The following DMD variants were observed in gnomAD, a reference collection of about 807,000 sequenced individuals.
DMD encodes mutant dystrophin.
Under a neutral mutation model 330.1 loss-of-function variants are expected in DMD, and 63 were observed. The ratio of observed to expected loss-of-function variants is 0.19; its 90% confidence interval spans 0.16 to 0.24. The LOEUF (loss-of-function observed/expected upper bound fraction) is 0.24, where lower values mean the gene tolerates loss of function less well. Among genes scored for constraint, DMD ranks in the 10% least tolerant of loss-of-function variants. The probability of loss-of-function intolerance (pLI) is 1.00; values close to 1 mark genes in which losing one functional copy is unlikely to be tolerated. For synonymous variants in DMD, 1,223 were observed against 959.8 expected (o/e 1.27, Z -5.07); for missense variants, 3,344 against 2,684.1 (o/e 1.25, Z -5.43).
intron 52 of DMD, among the ~76,000 whole-genome samples, chrX:31,699,711 G>C (rs1406380741): frequency 9.0e-6 from 1 of 111,531 alleles, no homozygotes; most frequent in Non-Finnish European, 1.9e-5. Context: ...GAAGAACTTA[G>C]GGGTAAAGGG....
At chrX:31,314,668 A>C (rs1175348916) in intron 62 of DMD, among the ~76,000 whole-genome samples, 1 of 110,079 alleles carries the variant, frequency 9.1e-6, no homozygotes, top group East Asian at 2.8e-4. Flanking sequence ...CAACGGTTTA[A>C]AAAATTTGCA....
At chrX:33,136,562 T>C (rs1349449823) in intron 1 of DMD, among the ~76,000 whole-genome samples, 2 of 108,952 alleles carry the variant, frequency 1.8e-5, no homozygotes, top group Non-Finnish European at 3.8e-5. Flanking sequence ...TATTAAGAGG[T>C]AGGGTTTTAA....
intron 60 of DMD, among the ~76,000 whole-genome samples, chrX:31,371,755 T>C (rs1478150357): frequency 1.8e-5 from 2 of 111,754 alleles, no homozygotes; most frequent in Non-Finnish European, 3.8e-5. Flanking sequence ...TGTTTGGACA[T>C]ACAAGGAGAC....
chrX:32,674,508 G>A, intron 9 of DMD, among the ~76,000 whole-genome samples: 1 of 111,440 alleles, frequency 9.0e-6, no homozygotes. Flanking sequence ...CTCTCTGATG[G>A]CACAGTAGCC....
chrX:32,890,690 T>C (rs1454376733), intron 2 of DMD, among the ~76,000 whole-genome samples: 1 of 111,626 alleles, frequency 9.0e-6, no homozygotes, highest in African/African-American at 3.3e-5. Flanking sequence ...ATTCGGGAAA[T>C]CAGAACGTTT....
intron 44 of DMD, among the ~76,000 whole-genome samples, chrX:32,076,741 A>G (rs140266725): frequency 0.013 from 1,437 of 111,395 alleles, 20 homozygotes; most frequent in African/African-American, 0.044. Flanking sequence ...ATTACATTAT[A>G]GAGGCATGAG....
At chrX:31,366,284 T>C (rs1427935284) in intron 60 of DMD, among the ~76,000 whole-genome samples, 1 of 108,773 alleles carries the variant, frequency 9.2e-6, no homozygotes, top group Non-Finnish European at 1.9e-5. Flanking sequence ...TACGCACCAC[T>C]GATAACACAA....
chrX:32,972,021 G>T (rs1008931824), intron 2 of DMD, among the ~76,000 whole-genome samples: 1 of 111,433 alleles, frequency 9.0e-6, no homozygotes, highest in African/African-American at 3.3e-5. Context: ...GACAGCAAAA[G>T]GAATGAGAGC....
chrX:32,483,587 A>G (rs2042129708), intron 21 of DMD, among the ~76,000 whole-genome samples: 1 of 109,467 alleles, frequency 9.1e-6, no homozygotes. Flanking sequence ...CATAGCCACT[A>G]AATGTATTTA....
chrX:31,478,895 T>G, intron 58 of DMD, 88 bp downstream of exon 58: 2 of 1,035,566 alleles, frequency 1.9e-6, no homozygotes, highest in Non-Finnish European at 2.7e-6. Flanking sequence ...ATGAGAGCTA[T>G]CCAGACCCTG....
intron 55 of DMD, among the ~76,000 whole-genome samples, chrX:31,625,365 G>C (rs2078779990): frequency 9.0e-6 from 1 of 111,579 alleles, no homozygotes; most frequent in South Asian, 3.7e-4. Context: ...ACAGTAAAAA[G>C]CCCCTGCCTT....
At chrX:32,861,809 A>G (rs1055824172) in intron 2 of DMD, among the ~76,000 whole-genome samples, 3 of 111,714 alleles carry the variant, frequency 2.7e-5, no homozygotes, top group African/African-American at 9.8e-5. Flanking sequence ...AAGGAAGACA[A>G]AAGTGGAGAG....
At chrX:32,418,000 C>T (rs1181103280) in intron 29 of DMD, among the ~76,000 whole-genome samples, 1 of 109,725 alleles carries the variant, frequency 9.1e-6, no homozygotes, top group Non-Finnish European at 1.9e-5. Context: ...AAGATGGAAT[C>T]TAACCACACT....
rs1477290253 is a variant in DMD at position 31,421,952 on chromosome X, T to TACAC, written c.9084+22528_9084+22529insGTGT. 3.1e-3 allele frequency among the ~76,000 whole-genome samples: 248 copies of TACAC among 80,602 alleles called. 1 individual carries two copies. The highest frequency in any genetic ancestry group is 4.6e-3 in the South Asian group (9 of 1,958). 70.0% of individuals were successfully genotyped at this position (80,602 alleles called of 115,157 possible). On this transcript the variant is annotated intron_variant, in intron 60 of 78. Coordinates refer to ENST00000357033, the MANE Select transcript of DMD (RefSeq NM_004006.3). ...ATATATACACACACACATATATATA[T>TACAC]ATATATACACATATATATATACACA...
In DMD at chrX:32,804,112, C is replaced by T. The variant is rs149318982; in HGVS notation, c.649+5381G>A. ...GTCTAATACCCAGTGGTGCCTGGAA[C>T]GCCAGCGAGACAGAACCGTTCACTC... is the stretch of plus-strand genomic sequence containing the variant. On this transcript the variant is annotated intron_variant, in intron 7 of 78. Transcript: ENST00000357033. Among the ~76,000 whole-genome samples the T allele has an allele frequency of 1.5e-3, 165 of 111,156 alleles. 1 individual carries two copies. The East Asian group carries it at 0.038, about 26-fold the overall frequency.
At chrX:32,743,472 A>G (rs1225662296) in intron 7 of DMD, among the ~76,000 whole-genome samples, 1 of 111,349 alleles carries the variant, frequency 9.0e-6, no homozygotes. Context: ...TATTATCATT[A>G]TTAGTAACAT....
chrX:32,599,797 G>A (rs2055987762), intron 12 of DMD, among the ~76,000 whole-genome samples: 1 of 111,714 alleles, frequency 9.0e-6, no homozygotes, highest in Non-Finnish European at 1.9e-5. Context: ...TTAAAGGAAT[G>A]CTTTTGTAAC....
chrX:31,926,072 A>T (rs2094771188), intron 47 of DMD, among the ~76,000 whole-genome samples: 1 of 110,525 alleles, frequency 9.0e-6, no homozygotes, highest in Admixed American at 9.7e-5. Context: ...AGGGATAAAT[A>T]TTAAAAACAC....
At chrX:31,292,436 C>T (rs1293154840) in intron 62 of DMD, among the ~76,000 whole-genome samples, 4 of 111,787 alleles carry the variant, frequency 3.6e-5, no homozygotes, top group Non-Finnish European at 7.5e-5. Flanking sequence ...ACTGCAATGG[C>T]GAAAATTTTA....
Sources: gnomAD v4.1 joint callset for allele counts (sites outside exome capture counted in the v4.1 genomes callset) on GRCh38, gnomAD v4.1.1 for gene constraint, MANE v1.5 for transcripts, NCBI Gene and HGNC (gene_info 2026-07-23, HGNC 2026-07-21) for gene names.